Variants in PEX19 observed in about 807,000 individuals in gnomAD.
The protein encoded by PEX19 is peroxisomal biogenesis factor 19.
In PEX19, 29 loss-of-function variants were observed where a neutral mutation model predicts 36.3. That is an observed-to-expected ratio of 0.80 (90% CI 0.60 to 1.09). PEX19 has a LOEUF of 1.09. Ranked by LOEUF, PEX19 falls within the 50% of genes least tolerant of loss-of-function variation. The pLI, the probability that PEX19 is intolerant of heterozygous loss-of-function variation, is 0.00. For synonymous variants in PEX19, 141 were observed against 135.2 expected, an observed-to-expected ratio of 1.04 and a Z score of -0.30; for missense variants, 396 against 368.1, an observed-to-expected ratio of 1.08 and a Z score of -0.62.
Position 160,280,270 on chromosome 1 carries a change from A to G in PEX19, c.595-24T>C, listed in dbSNP as rs757306017. The G allele has an allele frequency of 3.1e-6, 5 of 1,601,866 alleles. No homozygotes were observed. In the Admixed American group the frequency reaches 8.3e-5, roughly 27 times the overall value. On this transcript the variant is annotated intron_variant, in intron 5 of 7. Coordinates refer to ENST00000368072, the MANE Select transcript of PEX19 (RefSeq NM_002857.4). ...TACTAAGAAAAGAGAGAATGGGTGG[A>G]AAAGAATTAAGTGAACAATGGATAT...
intron 5 of PEX19, 129 bp from the exon 6 acceptor site, chr1:160,280,375 C>A: frequency 1.1e-6 from 1 of 879,810 alleles, no homozygotes. Flanking sequence ...TAAGTAAGTT[C>A]ATCATGAAAA....
rs146626996 is a variant in PEX19 at position 160,280,151 on chromosome 1, C to T, written c.690G>A (p.Glu230=). The T allele has an allele frequency of 1.6e-5, 26 of 1,613,826 alleles. No homozygotes were observed. The highest frequency in any genetic ancestry group is 1.0e-5 in the Non-Finnish European group (12 of 1,179,832). The stretch of plus-strand genomic sequence containing the variant: ...CTGTGGGGGTCTCTGCCTCAAACTG[C>T]TCACATATTTTGCACATGACGCTGT... ...EQHSVMCKIC[E]QFEAETPTDS... is the part of the protein sequence containing the mutation. The change falls in exon 6 of 8, where the codon GAG becomes GAA. Residue 230 remains glutamate (E), a synonymous_variant. Coordinates refer to ENST00000368072, the MANE Select transcript of PEX19 (RefSeq NM_002857.4).
At position 160,285,050 on chromosome 1, in the gene PEX19, C is replaced by T; in HGVS notation, c.70+5G>A. On this transcript the variant is annotated splice_donor_5th_base_variant and intron_variant, in intron 1 of 7. Coordinates refer to ENST00000368072, the MANE Select transcript of PEX19 (RefSeq NM_002857.4). Reference sequence around the variant, plus strand: ...CTTCGGGCCTTTCCCACTATGGGCTCTTACTTTCCAGAAGCTCCTCCAATT... The same window carrying T: ...CTTCGGGCCTTTCCCACTATGGGCTTTTACTTTCCAGAAGCTCCTCCAATT... 6.2e-7 allele frequency: 1 copy of T among 1,609,598 alleles called. No homozygotes were observed. The highest frequency in any genetic ancestry group is 8.5e-7 in the Non-Finnish European group (1 of 1,175,830).
rs1482581496 is a variant in PEX19 at position 160,284,999 on chromosome 1, C to T, written c.70+56G>A. 8 of 1,281,018 alleles carry T rather than the reference C, an allele frequency of 6.2e-6. No homozygotes were observed. The East Asian group carries it at 1.4e-4, about 22-fold the overall frequency. 79.4% of individuals were successfully genotyped at this position (1,281,018 alleles called of 1,614,324 possible). ...CTAATATCTCAGGTTCACTTAACCC[C>T]CAGAATGGGTCCTCACACGTGCCCT... On this transcript the variant is annotated intron_variant, in intron 1 of 7. Transcript: ENST00000368072.
At chr1:160,279,693 T>A (rs936618114) in intron 7 of PEX19, 59 bp from the exon 8 acceptor site, 26 of 1,545,184 alleles carry the variant, frequency 1.7e-5, no homozygotes, top group Non-Finnish European at 2.3e-5. Context: ...GACGTGAAGA[T>A]CCATCCCCAG....
intron 6 of PEX19, 80 bp downstream of exon 6, chr1:160,279,990 G>A (rs980603015): frequency 1.4e-6 from 2 of 1,438,770 alleles, no homozygotes; most frequent in Non-Finnish European, 2.0e-6. Flanking sequence ...AGGTCTAGCA[G>A]TATTGCATCC....
In PEX19 at chr1:160,280,137, T is replaced by A. The variant is rs1657708929; in HGVS notation, c.704A>T (p.Glu235Val). 18 of 1,613,976 alleles carry A rather than the reference T, an allele frequency of 1.1e-5. No individual in the cohort carries two copies. The highest frequency in any genetic ancestry group is 1.4e-5 in the Non-Finnish European group (17 of 1,179,826). Residue 235 changes from glutamate (E) to valine (V), a missense_variant, in exon 6 of 8, where the codon GAG (glutamate) becomes GTG (valine). Transcript: ENST00000368072. ...AGTGGTTTCACTGTCTGTGGGGGTC[T>A]CTGCCTCAAACTGCTCACATATTTT... The part of the protein sequence containing the change: ...MCKICEQFEA[E>V]TPTDSETTQK...
chr1:160,280,078 T>TA lies in PEX19; in HGVS notation c.762dup (p.Met255TyrfsTer25). On this transcript the variant is annotated frameshift_variant, in exon 6 of 8. Coordinates refer to ENST00000368072, the MANE Select transcript of PEX19 (RefSeq NM_002857.4). LOFTEE classifies it high-confidence loss of function. ...AAGGCAAGAGGCCTTACCTGCTGCATAAGATCCAGCACCATCTCAAAACGA... is the reference window on the plus strand; with the variant it reads ...AAGGCAAGAGGCCTTACCTGCTGCATAAAGATCCAGCACCATCTCAAAACGA... 6.2e-7 allele frequency: 1 copy of TA among 1,613,756 alleles called. No homozygotes were observed. The highest frequency in any genetic ancestry group is 8.5e-7 in the Non-Finnish European group (1 of 1,179,686).
Position 160,277,736 on chromosome 1 carries a change from GTTCTTC to G in PEX19, c.*1809_*1814del, listed in dbSNP as rs2101795929. The G allele has an allele frequency of 4.3e-6, 2 of 462,288 alleles. No homozygotes were observed. Among genetic ancestry groups the G allele is most frequent in the South Asian group, 3.1e-5 (2 of 64,548 alleles). The allele number at this position is 462,288 out of a possible 1,614,324, so 28.6% of individuals were successfully genotyped here. On this transcript the variant is annotated 3_prime_UTR_variant, in exon 8 of 8. Coordinates refer to ENST00000368072, the MANE Select transcript of PEX19 (RefSeq NM_002857.4). ...AAGGTTCATAGAGAAGGGCTCTTTTGTTCTTCCCTCCTCCTCTCTATCCTTGTCCAG... is the reference window on the plus strand; with the variant it reads ...AAGGTTCATAGAGAAGGGCTCTTTTGCCTCCTCCTCTCTATCCTTGTCCAG...
chr1:160,283,719 A>G, intron 1 of PEX19, 80 bp from the exon 2 acceptor site: 1 of 1,127,402 alleles, frequency 8.9e-7, no homozygotes, highest in Admixed American at 1.8e-5. Context: ...TGGGCAAAGC[A>G]TTAGGAATAT....
intron 1 of PEX19, among the ~76,000 whole-genome samples, chr1:160,284,689 A>C (rs1657931924): frequency 6.6e-6 from 1 of 152,238 alleles, no homozygotes. Flanking sequence ...GTAAGCAATC[A>C]GTGAGTGCGT....
At position 160,282,122 on chromosome 1, in the gene PEX19, T is replaced by C. The variant is rs777874181; in HGVS notation, c.511A>G (p.Ile171Val). The change falls in exon 5 of 8, where the codon ATC (isoleucine) becomes GTC (valine). Residue 171 changes from isoleucine (I) to valine (V), a missense_variant. Coordinates refer to ENST00000368072, the MANE Select transcript of PEX19 (RefSeq NM_002857.4). ...GMDEGDGEGN[I>V]LPIMQSIMQN... ...ATAATACTCTGCATGATGGGGAGGA[T>C]GTTCCCTTCCCCATCCCCTTCGTCC... 6.2e-7 allele frequency: 1 copy of C among 1,612,012 alleles called. No individual in the cohort carries two copies.
Position 160,281,014 on chromosome 1 carries a change from T to C in PEX19, c.595-768A>G, listed in dbSNP as rs185793906. Among the ~76,000 whole-genome samples, 4 of 152,282 alleles carry C rather than the reference T, an allele frequency of 2.6e-5. No individual in the cohort carries two copies. In the East Asian group the frequency reaches 5.8e-4, roughly 22 times the overall value. ...CTGTATTTTATCTCTCCAGTAAAACTATACACTCTTTAGCCAGGTGTGGTG... is the reference window on the plus strand; with the variant it reads ...CTGTATTTTATCTCTCCAGTAAAACCATACACTCTTTAGCCAGGTGTGGTG... On this transcript the variant is annotated intron_variant, in intron 5 of 7. Transcript: ENST00000368072.
chr1:160,279,739 G>A, intron 7 of PEX19, 62 bp downstream of exon 7: 1 of 1,551,782 alleles, frequency 6.4e-7, no homozygotes, highest in South Asian at 1.1e-5. Flanking sequence ...AATCCTGAGA[G>A]GTTAAAGAAT....
At chr1:160,284,578 G>A (rs1657924878) in intron 1 of PEX19, among the ~76,000 whole-genome samples, 1 of 152,200 alleles carries the variant, frequency 6.6e-6, no homozygotes, top group African/African-American at 2.4e-5. Context: ...GGGGCCTAAC[G>A]AGAGAAAGAG....
intron 1 of PEX19, among the ~76,000 whole-genome samples, chr1:160,284,568 G>A (rs776531296): frequency 2.0e-5 from 3 of 152,178 alleles, no homozygotes; most frequent in Non-Finnish European, 4.4e-5. Context: ...GAACTGTTAA[G>A]GGGCCTAACG....
rs1372792246 is a variant in PEX19 at position 160,279,219 on chromosome 1, T to A, written c.*332A>T. ...AAGACCCTGGACGTAAAGGTGAACATCAGTGTGGCCACATATAACATTATT... is the reference window on the plus strand; with the variant it reads ...AAGACCCTGGACGTAAAGGTGAACAACAGTGTGGCCACATATAACATTATT... On this transcript the variant is annotated 3_prime_UTR_variant, in exon 8 of 8. Transcript: ENST00000368072. 4.1e-6 allele frequency: 2 copies of A among 487,760 alleles called. No individual in the cohort carries two copies. Among genetic ancestry groups the A allele is most frequent in the Non-Finnish European group, 8.0e-6 (2 of 249,424 alleles). The allele number at this position is 487,760 out of a possible 1,614,324, so 30.2% of individuals were successfully genotyped here. A position where few individuals can be genotyped will look rare whatever the true frequency, so the allele number is the denominator to read the frequency against.
At chr1:160,284,597 T>C (rs979124134) in intron 1 of PEX19, among the ~76,000 whole-genome samples, 1 of 152,016 alleles carries the variant, frequency 6.6e-6, no homozygotes, top group Non-Finnish European at 1.5e-5. Context: ...AGAAAAGGAC[T>C]AGGAGGAGAA....
At chr1:160,284,289 G>C (rs1418809648) in intron 1 of PEX19, 1 of 419,818 alleles carries the variant, frequency 2.4e-6, no homozygotes, top group Admixed American at 2.8e-5. Flanking sequence ...TCATTTTTCT[G>C]CCTGCCCACA....
Sources: gnomAD v4.1 joint callset for allele counts (sites outside exome capture counted in the v4.1 genomes callset) on GRCh38, gnomAD v4.1.1 for gene constraint, MANE v1.5 for transcripts, NCBI Gene and HGNC (gene_info 2026-07-23, HGNC 2026-07-21) for gene names.